The following CMPK1 variants were observed in gnomAD, a reference collection of about 807,000 sequenced individuals.
The protein encoded by CMPK1 is UMP-CMP kinase.
In CMPK1, 10 loss-of-function variants were observed where a neutral mutation model predicts 25.7. The observed-to-expected ratio is 0.39, with a 90% CI of 0.24 to 0.66. CMPK1 has a LOEUF of 0.66. Ranked by LOEUF, CMPK1 falls within the 30% of genes least tolerant of loss-of-function variation. CMPK1 has a pLI of 0.48. For synonymous variants in CMPK1, 106 were observed against 101.5 expected, an observed-to-expected ratio of 1.04 and a Z score of -0.27; for missense variants, 199 against 280.5, an observed-to-expected ratio of 0.71 and a Z score of 2.08.
intron 1 of CMPK1, among the ~76,000 whole-genome samples, chr1:47,335,019 CTG>C (rs976641581): frequency 1.6e-4 from 25 of 152,020 alleles, no homozygotes; most frequent in Admixed American, 3.9e-4. Context: ...TGCATTGACA[CTG>C]TGGGAAAAAA....
intron 3 of CMPK1, 128 bp downstream of exon 3, chr1:47,373,235 G>A: frequency 5.0e-6 from 4 of 805,216 alleles, no homozygotes; most frequent in Non-Finnish European, 7.4e-6. Context: ...TAGATTGGAT[G>A]GACGGAACAG....
At chr1:47,373,251 T>C in intron 3 of CMPK1, 144 bp downstream of exon 3, 1 of 611,472 alleles carries the variant, frequency 1.6e-6, no homozygotes. Context: ...AACAGCACTG[T>C]CTTGCTGTTG....
At position 47,374,906 on chromosome 1, in the gene CMPK1, T is replaced by C; in HGVS notation, c.472-3T>C. 1 of 1,599,810 alleles carries C rather than the reference T, an allele frequency of 6.3e-7. No homozygotes were observed. Among genetic ancestry groups the C allele is most frequent in the South Asian group, 1.1e-5 (1 of 90,140 alleles). Reference sequence around the variant, plus strand: ...TTTTTAATAACTTTGTATCTCTTTTTAGATTTGTATTGAACGATGTCTTGA... The same window carrying C: ...TTTTTAATAACTTTGTATCTCTTTTCAGATTTGTATTGAACGATGTCTTGA... On this transcript the variant is annotated splice_region_variant and splice_polypyrimidine_tract_variant and intron_variant, in intron 3 of 5. Transcript: ENST00000371873.
chr1:47,343,664 A>T (rs1028063730), intron 1 of CMPK1, among the ~76,000 whole-genome samples: 1 of 152,134 alleles, frequency 6.6e-6, no homozygotes, highest in Non-Finnish European at 1.5e-5. Context: ...CTGTAATCCC[A>T]GCACTTTGGG....
chr1:47,352,775 A>G (rs1646531869), intron 1 of CMPK1, among the ~76,000 whole-genome samples: 1 of 152,118 alleles, frequency 6.6e-6, no homozygotes. Context: ...CAAGAGGCCC[A>G]TGTAGTCTGC....
At chr1:47,345,756 CTT>C (rs1002903094) in intron 1 of CMPK1, among the ~76,000 whole-genome samples, 1 of 140,396 alleles carries the variant, frequency 7.1e-6, no homozygotes, top group Non-Finnish European at 1.6e-5. Context: ...TGCACCTGGC[CTT>C]TTTTTTTTTC....
chr1:47,348,783 A>T (rs75818304), intron 1 of CMPK1, among the ~76,000 whole-genome samples: 5,738 of 152,284 alleles, frequency 0.038, 133 homozygotes, highest in Non-Finnish European at 0.058. Context: ...GTATTGGAAA[A>T]TGTTACATGT....
chr1:47,365,042 T>C (rs370521972), intron 1 of CMPK1, among the ~76,000 whole-genome samples: 1 of 152,322 alleles, frequency 6.6e-6, no homozygotes, highest in South Asian at 2.1e-4. Flanking sequence ...ATTACAGGTG[T>C]GAGCCACTGT....
At chr1:47,358,689 C>G in intron 1 of CMPK1, 1 of 985,646 alleles carries the variant, frequency 1.0e-6, no homozygotes, top group South Asian at 4.7e-5. Flanking sequence ...ATGTAAGGTT[C>G]AGGTTCTTGT....
chr1:47,363,633 G>A (rs2622905), intron 1 of CMPK1, among the ~76,000 whole-genome samples: 63,402 of 149,648 alleles, frequency 0.42, 15,355 homozygotes, highest in Middle Eastern at 0.56. Context: ...GTGAGACTCC[G>A]CCTCAAAAAC....
intron 2 of CMPK1, among the ~76,000 whole-genome samples, chr1:47,371,217 C>T (rs773083130): frequency 6.6e-6 from 1 of 152,116 alleles, no homozygotes; most frequent in South Asian, 2.1e-4. Flanking sequence ...ACATTCTTAC[C>T]TCTTGTCTCA....
At chr1:47,335,975 C>T (rs1038758308) in intron 1 of CMPK1, among the ~76,000 whole-genome samples, 2 of 152,022 alleles carry the variant, frequency 1.3e-5, no homozygotes, top group Non-Finnish European at 2.9e-5. Flanking sequence ...GTTGGCCAGG[C>T]TGATCTCGAA....
chr1:47,348,028 G>A (rs1646496958), intron 1 of CMPK1, among the ~76,000 whole-genome samples: 1 of 152,114 alleles, frequency 6.6e-6, no homozygotes, highest in African/African-American at 2.4e-5. Context: ...GGGCACTATT[G>A]TGAATTTGCT....
At chr1:47,347,008 C>G (rs958694170) in intron 1 of CMPK1, among the ~76,000 whole-genome samples, 2 of 151,940 alleles carry the variant, frequency 1.3e-5, no homozygotes, top group African/African-American at 4.8e-5. Context: ...GTCTTGAACT[C>G]CTAACCTCAG....
intron 2 of CMPK1, among the ~76,000 whole-genome samples, 182 bp from the exon 3 acceptor site, chr1:47,372,773 T>C (rs1467849674): frequency 6.6e-6 from 1 of 151,350 alleles, no homozygotes; most frequent in Non-Finnish European, 1.5e-5. Context: ...CATTGATAGA[T>C]TTCCTTCTAG....
chr1:47,363,373 A>G (rs1157752939), intron 1 of CMPK1, among the ~76,000 whole-genome samples: 1 of 152,182 alleles, frequency 6.6e-6, no homozygotes, highest in African/African-American at 2.4e-5. Flanking sequence ...CAGGCCTGTA[A>G]TCCCAGCACT....
At chr1:47,356,507 A>G (rs1259139302) in intron 1 of CMPK1, among the ~76,000 whole-genome samples, 2 of 152,178 alleles carry the variant, frequency 1.3e-5, no homozygotes, top group East Asian at 3.9e-4. Flanking sequence ...TCTTTCTGAT[A>G]AGTTTGAGAG....
intron 1 of CMPK1, among the ~76,000 whole-genome samples, chr1:47,347,463 C>A (rs1446395775): frequency 6.6e-6 from 1 of 152,196 alleles, no homozygotes; most frequent in Admixed American, 6.5e-5. Context: ...CCTGCCTCGG[C>A]CTCCCCAAAT....
At chr1:47,355,621 T>TG (rs1324117012) in intron 1 of CMPK1, among the ~76,000 whole-genome samples, 3 of 151,758 alleles carry the variant, frequency 2.0e-5, no homozygotes, top group Admixed American at 2.0e-4. Flanking sequence ...CCTTTTTTTC[T>TG]GGGGGGACAG....
Sources: allele counts gnomAD v4.1 joint callset (sites outside exome capture counted in the v4.1 genomes callset), GRCh38; gene constraint gnomAD v4.1.1; transcripts MANE v1.5; gene names NCBI Gene and HGNC (gene_info 2026-07-23, HGNC 2026-07-21).